Variants in OR10H3 observed in about 807,000 individuals in gnomAD.
The protein encoded by OR10H3 is olfactory receptor family 10 subfamily H member 3, also known as olfactory receptor 10H3.
A neutral mutation model predicts 11.1 loss-of-function variants in OR10H3; 15 were observed. The ratio of observed to expected loss-of-function variants is 1.36; its 90% confidence interval spans 0.91 to 2.09. OR10H3 has a LOEUF of 2.09. Among genes scored for constraint, OR10H3 ranks in the 30% most tolerant of loss-of-function variants. OR10H3 has a pLI of 0.00. For missense variants in OR10H3, 403 were observed against 391.5 expected, an observed-to-expected ratio of 1.03 and a Z score of -0.25; for synonymous variants, 149 against 142.1, an observed-to-expected ratio of 1.05 and a Z score of -0.35.
In OR10H3 at chr19:15,739,564, G is replaced by A. The variant is rs374284402; in HGVS notation, c.-12+1513G>A. 3.2e-4 allele frequency among the ~76,000 whole-genome samples: 49 copies of A among 152,042 alleles called. 1 individual carries two copies. The Middle Eastern group carries it at 0.014, about 42-fold the overall frequency. ...AAATTAGCCAGGCGTGGTGGCACGC[G>A]CCTGTAATCCCAGCTATTAGGGAGG... On this transcript the variant is annotated intron_variant, in intron 1 of 1. Transcript: ENST00000641646.
chr19:15,739,672 CA>C (rs1285495621), intron 1 of OR10H3, among the ~76,000 whole-genome samples: 1 of 151,870 alleles, frequency 6.6e-6, no homozygotes, highest in East Asian at 1.9e-4. Flanking sequence ...GCCTGGGTGA[CA>C]GAGCAAGACT....
intron 1 of OR10H3, among the ~76,000 whole-genome samples, chr19:15,738,978 A>G (rs1168219480): frequency 1.3e-5 from 2 of 151,780 alleles, no homozygotes; most frequent in Non-Finnish European, 2.9e-5. Context: ...AGGTATTTTG[A>G]GCTGTATATT....
At chr19:15,739,724 C>T (rs2008677563) in intron 1 of OR10H3, among the ~76,000 whole-genome samples, 3 of 151,956 alleles carry the variant, frequency 2.0e-5, no homozygotes. Flanking sequence ...GTCGATTTGG[C>T]TATTTCTATC....
At position 15,742,134 on chromosome 19, in the gene OR10H3, A is replaced by T. The variant is rs765576373; in HGVS notation, c.742A>T (p.Thr248Ser). The change falls in exon 2 of 2, where the codon ACT becomes TCT. Residue 248 changes from threonine (T) to serine (S), a missense_variant. Transcript: ENST00000641646. ...KTFSTCVSHL[T>S]VVVMHYSFAS... is the part of the protein sequence containing the mutation. ...TTTCTCCACTTGTGTATCCCACCTC[A>T]CTGTGGTGGTCATGCACTATAGTTT... 14 of 1,613,888 alleles carry T rather than the reference A, an allele frequency of 8.7e-6. No homozygotes were observed. The African/African-American group carries it at 1.7e-4, about 20-fold the overall frequency.
Position 15,741,583 on chromosome 19 carries a change from T to A in OR10H3, c.191T>A (p.Leu64Ter), listed in dbSNP as rs752218127. The change falls in exon 2 of 2, where the codon TTG becomes TAG. Residue 64 changes from leucine to a stop codon, truncating the protein, a stop_gained. Coordinates refer to ENST00000641646, the MANE Select transcript of OR10H3 (RefSeq NM_013938.2). LOFTEE classifies it high-confidence loss of function. ...RRLHTPMYLF[L>*]CALSISEILF... ...CTCCACACACCCATGTACCTCTTCTTGTGTGCCCTCTCCATCTCTGAGATT... is the reference window on the plus strand; with the variant it reads ...CTCCACACACCCATGTACCTCTTCTAGTGTGCCCTCTCCATCTCTGAGATT... 6.2e-7 allele frequency: 1 copy of A among 1,614,200 alleles called. No homozygotes were observed. Among genetic ancestry groups the A allele is most frequent in the Non-Finnish European group, 8.5e-7 (1 of 1,180,022 alleles).
intron 1 of OR10H3, among the ~76,000 whole-genome samples, chr19:15,739,378 C>G: frequency 6.6e-6 from 1 of 152,106 alleles, no homozygotes; most frequent in East Asian, 1.9e-4. Context: ...TTTCTGAACT[C>G]TGTTAAAATT....
intron 1 of OR10H3, among the ~76,000 whole-genome samples, chr19:15,740,917 G>A (rs2008689900): frequency 6.6e-6 from 1 of 152,064 alleles, no homozygotes; most frequent in South Asian, 2.1e-4. Context: ...GAAATAAGAT[G>A]GCATAAATGA....
In OR10H3 at chr19:15,738,203, T is replaced by C. The variant is rs188992345; in HGVS notation, c.-12+152T>C. ...TTGTGAAGTGTTTTTTTTTAAATCA[T>C]AATAGGAGTAGGGTTTTAGAGAATG... On this transcript the variant is annotated intron_variant, in intron 1 of 1. Transcript: ENST00000641646. Among the ~76,000 whole-genome samples the C allele has an allele frequency of 4.2e-3, 635 of 152,212 alleles. 2 individuals carry two copies. The highest frequency in any genetic ancestry group is 7.1e-3 in the Non-Finnish European group (483 of 68,012).
In OR10H3 at chr19:15,742,018, T is replaced by C. The variant is rs1490428755; in HGVS notation, c.626T>C (p.Leu209Pro). 5.0e-6 allele frequency: 8 copies of C among 1,614,124 alleles called. No homozygotes were observed. The highest frequency in any genetic ancestry group is 6.8e-6 in the Non-Finnish European group (8 of 1,180,052). The change falls in exon 2 of 2, where the codon CTG becomes CCG. Residue 209 changes from leucine to proline, a missense_variant. Physicochemically the swap from Leu to Pro is moderately conservative, Grantham distance 98. Transcript: ENST00000641646. Reference protein sequence around the residue: ...MGVMLVCVTALIGCLFLIILS... With the variant: ...MGVMLVCVTAPIGCLFLIILS... ...GTGATGCTGGTGTGTGTCACAGCCCTGATAGGCTGTTTGTTCCTCATCATC... is the reference window on the plus strand; with the variant it reads ...GTGATGCTGGTGTGTGTCACAGCCCCGATAGGCTGTTTGTTCCTCATCATC...
chr19:15,742,013 A>G lies in OR10H3; in HGVS notation c.621A>G (p.Thr207=). 2 of 1,614,218 alleles carry G rather than the reference A, an allele frequency of 1.2e-6. No homozygotes were observed. The highest frequency in any genetic ancestry group is 1.7e-6 in the Non-Finnish European group (2 of 1,180,040). Residue 207 remains threonine (T), a synonymous_variant, in exon 2 of 2, where the codon ACA becomes ACG. Transcript: ENST00000641646. ...VIMGVMLVCV[T]ALIGCLFLII... ...TGGGTGTGATGCTGGTGTGTGTCAC[A>G]GCCCTGATAGGCTGTTTGTTCCTCA...
intron 1 of OR10H3, among the ~76,000 whole-genome samples, chr19:15,738,599 A>C (rs1005649224): frequency 6.6e-6 from 1 of 151,290 alleles, no homozygotes; most frequent in Non-Finnish European, 1.5e-5. Flanking sequence ...TTTTTTTAAC[A>C]GTTTAATAGT....
In OR10H3 at chr19:15,742,094, G is replaced by C. The variant is rs139366400; in HGVS notation, c.702G>C (p.Glu234Asp). ...VAAILRIPSA[E>D]GRHKTFSTCV... ...CCATCTTGAGGATTCCTTCTGCTGA[G>C]GGCCGGCACAAGACTTTCTCCACTT... Residue 234 changes from glutamate (E) to aspartate (D), a missense_variant, in exon 2 of 2, where the codon GAG becomes GAC. Glu to Asp is a conservative substitution (Grantham distance 45, BLOSUM62 2). Transcript: ENST00000641646. 6.2e-7 allele frequency: 1 copy of C among 1,614,132 alleles called. No homozygotes were observed. Among genetic ancestry groups the C allele is most frequent in the African/African-American group, 1.3e-5 (1 of 75,022 alleles).
intron 1 of OR10H3, among the ~76,000 whole-genome samples, chr19:15,739,773 A>G (rs2008678135): frequency 6.6e-6 from 1 of 152,138 alleles, no homozygotes; most frequent in Non-Finnish European, 1.5e-5. Context: ...GTTAATGAAT[A>G]TTCCAGGATA....
At chr19:15,738,280 T>A (rs2008661906) in intron 1 of OR10H3, among the ~76,000 whole-genome samples, 1 of 152,230 alleles carries the variant, frequency 6.6e-6, no homozygotes, top group Non-Finnish European at 1.5e-5. Context: ...AATCGATTCC[T>A]GTGATAAATT....
At chr19:15,740,940 G>A (rs1369363401) in intron 1 of OR10H3, among the ~76,000 whole-genome samples, 1 of 152,194 alleles carries the variant, frequency 6.6e-6, no homozygotes, top group Non-Finnish European at 1.5e-5. Flanking sequence ...ATCAATAAAT[G>A]AGTATTAAAA....
rs749411924 is a variant in OR10H3, at chr19:15,741,547, T to G, written c.155T>G (p.Ile52Ser). ...GNLLIMATVWIERRLHTPMYL... is the reference protein window; with the variant it reads ...GNLLIMATVWSERRLHTPMYL... The stretch of plus-strand genomic sequence containing the variant: ...CTTCTTATCATGGCCACAGTTTGGA[T>G]TGAACGCAGACTCCACACACCCATG... Residue 52 changes from isoleucine (I) to serine (S), a missense_variant, in exon 2 of 2, where the codon ATT becomes AGT. Transcript: ENST00000641646. 6.2e-7 allele frequency: 1 copy of G among 1,614,078 alleles called. No individual in the cohort carries two copies. The highest frequency in any genetic ancestry group is 1.7e-5 in the Admixed American group (1 of 59,994).
chr19:15,741,244 A>G, intron 1 of OR10H3, 138 bp from the exon 2 acceptor site: 1 of 602,458 alleles, frequency 1.7e-6, no homozygotes, highest in Non-Finnish European at 3.0e-6. Context: ...TATTTACTCC[A>G]TTTAACAGAT....
chr19:15,740,049 A>G (rs1489418306), intron 1 of OR10H3, among the ~76,000 whole-genome samples: 2 of 150,114 alleles, frequency 1.3e-5, no homozygotes, highest in Non-Finnish European at 3.0e-5. Flanking sequence ...GAGGCCAGGA[A>G]TTAGAGACCA....
Position 15,742,330 on chromosome 19 carries a change from C to T in OR10H3, c.938C>T (p.Pro313Leu), listed in dbSNP as rs2144894586. ...AAAAACTTTTGCAGAAGGTTCTGCC[C>T]TCTAAGCTCCTAATGGCCAGTTTGG... ...INKNFCRRFC[P>L]LSS The change falls in exon 2 of 2, where the codon CCT becomes CTT. Residue 313 changes from proline to leucine, a missense_variant. Transcript: ENST00000641646. 6.2e-7 allele frequency: 1 copy of T among 1,611,742 alleles called. No individual in the cohort carries two copies. Among genetic ancestry groups the T allele is most frequent in the Non-Finnish European group, 8.5e-7 (1 of 1,178,812 alleles).
Sources: gnomAD v4.1 joint callset for allele counts (sites outside exome capture counted in the v4.1 genomes callset) on GRCh38, gnomAD v4.1.1 for gene constraint, MANE v1.5 for transcripts, NCBI Gene and HGNC (gene_info 2026-07-23, HGNC 2026-07-21) for gene names.